Variants in FSTL5 observed in about 807,000 individuals in gnomAD.
The protein encoded by FSTL5 is follistatin like 5, also known as follistatin-related protein 5.
Under a neutral mutation model 89.1 loss-of-function variants are expected in FSTL5, and 62 were observed. The observed-to-expected ratio is 0.70, with a 90% confidence interval of 0.57 to 0.86. The LOEUF is 0.86. FSTL5 is among the 40% of genes least tolerant of loss of function. The probability of loss-of-function intolerance (pLI) is 0.00; values close to 1 mark genes in which losing one functional copy is unlikely to be tolerated. For missense variants in FSTL5, 1,057 were observed against 1,001.6 expected (o/e 1.06, Z -0.75); for synonymous variants, 383 against 346.2 (o/e 1.11, Z -1.18).
chr4:162,049,747 A>C (rs769567776), intron 2 of FSTL5, among the ~76,000 whole-genome samples: 1 of 152,256 alleles, frequency 6.6e-6, no homozygotes. Context: ...ATTTCCATAC[A>C]AGAGAAATCA....
chr4:162,116,027 T>A (rs1294091819), intron 1 of FSTL5, among the ~76,000 whole-genome samples: 3 of 151,104 alleles, frequency 2.0e-5, no homozygotes, highest in Non-Finnish European at 4.4e-5. Context: ...AGTGTCGAGA[T>A]GAAGCAAAAT....
At chr4:161,464,087 T>A (rs1733668479) in intron 13 of FSTL5, among the ~76,000 whole-genome samples, 1 of 152,212 alleles carries the variant, frequency 6.6e-6, no homozygotes, top group Non-Finnish European at 1.5e-5. Context: ...TGTTGGGTTT[T>A]ACAAAATACC....
intron 11 of FSTL5, among the ~76,000 whole-genome samples, chr4:161,501,015 T>C (rs1371361192): frequency 6.6e-6 from 1 of 152,148 alleles, no homozygotes; most frequent in Non-Finnish European, 1.5e-5. Context: ...TCCTTGCCTA[T>C]ATAGCTCTTT....
At chr4:162,093,433 T>C (rs1353013986) in intron 2 of FSTL5, among the ~76,000 whole-genome samples, 2 of 152,162 alleles carry the variant, frequency 1.3e-5, no homozygotes, top group South Asian at 2.1e-4. Flanking sequence ...CCAGAAGGAA[T>C]GAATGTTTCC....
At chr4:162,107,936 G>A (rs537133806) in intron 2 of FSTL5, among the ~76,000 whole-genome samples, 92 of 152,110 alleles carry the variant, frequency 6.0e-4, no homozygotes, top group African/African-American at 2.1e-3. Context: ...TACATCCCAG[G>A]ATTATTATAT....
intron 10 of FSTL5, among the ~76,000 whole-genome samples, chr4:161,511,650 C>T (rs959267397): frequency 1.3e-5 from 2 of 151,998 alleles, no homozygotes; most frequent in Admixed American, 1.3e-4. Context: ...TCATCTTAAA[C>T]ATATTCAATC....
At chr4:161,518,068 G>A (rs1474908227) in intron 10 of FSTL5, among the ~76,000 whole-genome samples, 1 of 152,136 alleles carries the variant, frequency 6.6e-6, no homozygotes, top group East Asian at 1.9e-4. Flanking sequence ...CAAGTACATT[G>A]CCGGTCATAT....
intron 15 of FSTL5, among the ~76,000 whole-genome samples, chr4:161,421,044 G>C (rs1731972408): frequency 6.6e-6 from 1 of 151,960 alleles, no homozygotes; most frequent in South Asian, 2.1e-4. Context: ...ATGTTATAAA[G>C]AAAGTACTCA....
intron 2 of FSTL5, among the ~76,000 whole-genome samples, chr4:162,094,258 G>T (rs746534554): frequency 6.6e-6 from 1 of 152,022 alleles, no homozygotes; most frequent in Non-Finnish European, 1.5e-5. Flanking sequence ...GTGGTGGCAG[G>T]TGCCTGTAAT....
chr4:161,730,962 T>C lies in FSTL5; in HGVS notation c.727+28449A>G, dbSNP rs146454621. Among the ~76,000 whole-genome samples, 15 of 152,328 alleles carry C rather than the reference T, an allele frequency of 9.8e-5. 1 individual carries two copies. In the East Asian group the frequency reaches 2.7e-3, roughly 27 times the overall value. The stretch of plus-strand genomic sequence containing the variant: ...AACAAAAACAGATTGACAGTGCCCA[T>C]GCAAAGGCAATAAATATAAATCTAT... On this transcript the variant is annotated intron_variant, in intron 6 of 15. Coordinates refer to ENST00000306100, the MANE Select transcript of FSTL5 (RefSeq NM_020116.5).
intron 6 of FSTL5, among the ~76,000 whole-genome samples, chr4:161,741,861 G>C (rs1213323379): frequency 6.6e-6 from 1 of 151,652 alleles, no homozygotes; most frequent in Non-Finnish European, 1.5e-5. Context: ...CTAATTTTTT[G>C]TATTTTAGTA....
intron 12 of FSTL5, among the ~76,000 whole-genome samples, chr4:161,491,853 AAAG>A (rs1374274024): frequency 2.5e-4 from 38 of 149,974 alleles, no homozygotes; most frequent in Non-Finnish European, 4.9e-4. Context: ...AAAAAAAAAA[AAAG>A]AGAGAGAGCC....
chr4:161,556,794 T>A (rs1024109736), intron 8 of FSTL5, among the ~76,000 whole-genome samples: 3 of 150,100 alleles, frequency 2.0e-5, no homozygotes, highest in Non-Finnish European at 4.5e-5. Context: ...TATACAAACT[T>A]AGTTCGTATT....
At chr4:161,976,983 T>G (rs756880696) in intron 3 of FSTL5, among the ~76,000 whole-genome samples, 9 of 152,216 alleles carry the variant, frequency 5.9e-5, no homozygotes, top group Admixed American at 2.6e-4. Flanking sequence ...GTGACTATAA[T>G]GGCTATCTTC....
In FSTL5 at chr4:161,383,989, ACAGACTTACATGAAATCATT is replaced by A. The variant is rs1412709472; in HGVS notation, c.*1738_*1757del. Reference sequence around the variant, plus strand: ...AAGCTACAAAAGAAGGATGTATGCGACAGACTTACATGAAATCATTAAGTCACAGACACTTTATATGGTTC... The same window carrying A: ...AAGCTACAAAAGAAGGATGTATGCGAAAGTCACAGACACTTTATATGGTTC... On this transcript the variant is annotated 3_prime_UTR_variant, in exon 16 of 16. Transcript: ENST00000306100. The A allele has an allele frequency of 6.6e-6, 1 of 152,232 alleles. No homozygotes were observed. Among genetic ancestry groups the A allele is most frequent in the Non-Finnish European group, 1.5e-5 (1 of 68,024 alleles). 9.4% of individuals were successfully genotyped at this position (152,232 alleles called of 1,614,324 possible). A position where few individuals can be genotyped will look rare whatever the true frequency, so the allele number is the denominator to read the frequency against.
intron 13 of FSTL5, among the ~76,000 whole-genome samples, chr4:161,472,518 C>T (rs1220267440): frequency 2.0e-5 from 3 of 151,986 alleles, no homozygotes; most frequent in Non-Finnish European, 4.4e-5. Context: ...TCCTTCAGCA[C>T]TGGTTTTGCC....
At chr4:161,442,107 A>G (rs1402247642) in intron 15 of FSTL5, among the ~76,000 whole-genome samples, 1 of 151,522 alleles carries the variant, frequency 6.6e-6, no homozygotes, top group Non-Finnish European at 1.5e-5. Flanking sequence ...TAACCAATCA[A>G]GTATTTGCTT....
chr4:162,109,819 T>C (rs554784531), intron 2 of FSTL5, among the ~76,000 whole-genome samples: 39 of 152,188 alleles, frequency 2.6e-4, no homozygotes, highest in African/African-American at 9.4e-4. Context: ...AAAAGCATAA[T>C]TCCTCATTTC....
At chr4:161,766,331 C>T (rs1169835853) in intron 5 of FSTL5, among the ~76,000 whole-genome samples, 2 of 152,026 alleles carry the variant, frequency 1.3e-5, no homozygotes, top group Admixed American at 6.6e-5. Context: ...CAAACTGAGG[C>T]CGCCATTCTA....
Sources: allele counts gnomAD v4.1 joint callset (sites outside exome capture counted in the v4.1 genomes callset), GRCh38; gene constraint gnomAD v4.1.1; transcripts MANE v1.5; gene names NCBI Gene and HGNC (gene_info 2026-07-23, HGNC 2026-07-21).